The following HTR4 variants were observed in gnomAD, a reference collection of about 807,000 sequenced individuals.
HTR4 encodes the protein 5-hydroxytryptamine receptor 4, also known as 5-hydroxytryptamine (serotonin) receptor 4, G protein-coupled.
A neutral mutation model predicts 36.8 loss-of-function variants in HTR4; 16 were observed. The observed-to-expected ratio is 0.43, with a 90% CI of 0.29 to 0.66. The LOEUF is 0.66. HTR4 is among the 30% of genes least tolerant of loss of function. The pLI is 0.13. For missense variants in HTR4, 438 were observed against 490.9 expected (o/e 0.89, Z 1.02); for synonymous variants, 189 against 185.1 (o/e 1.02, Z -0.17).
intron 5 of HTR4, among the ~76,000 whole-genome samples, chr5:148,521,238 G>A (rs1757999520): frequency 6.6e-6 from 1 of 152,202 alleles, no homozygotes; most frequent in African/African-American, 2.4e-5. Flanking sequence ...TATCTAGACA[G>A]AATGAGATGG....
chr5:148,636,054 G>A (rs931876538), intron 2 of HTR4, among the ~76,000 whole-genome samples: 7 of 151,998 alleles, frequency 4.6e-5, no homozygotes, highest in African/African-American at 1.5e-4. Context: ...CATGTACCAG[G>A]GATTTTGCCA....
At chr5:148,635,160 G>A (rs1012250715) in intron 2 of HTR4, among the ~76,000 whole-genome samples, 12 of 152,024 alleles carry the variant, frequency 7.9e-5, no homozygotes, top group Non-Finnish European at 1.6e-4. Context: ...TCCTAAGGAG[G>A]TAACCTCAAA....
chr5:148,511,297 C>G (rs1017069998), intron 5 of HTR4, among the ~76,000 whole-genome samples: 1 of 152,128 alleles, frequency 6.6e-6, no homozygotes, highest in African/African-American at 2.4e-5. Context: ...ATATTATCAA[C>G]AACCCAGCAG....
At chr5:148,523,074 T>A (rs935427756) in intron 5 of HTR4, 119 bp downstream of exon 5, 26 of 965,496 alleles carry the variant, frequency 2.7e-5, no homozygotes, top group Non-Finnish European at 3.8e-5. Flanking sequence ...AAAAAAAAAA[T>A]TATCACCCAG....
intron 5 of HTR4, among the ~76,000 whole-genome samples, chr5:148,469,957 G>T (rs996351719): frequency 2.6e-5 from 4 of 152,166 alleles, no homozygotes; most frequent in Admixed American, 6.6e-5. Flanking sequence ...TCATGTATCA[G>T]AGGGAGATCA....
intron 5 of HTR4, among the ~76,000 whole-genome samples, chr5:148,451,907 C>A (rs1030810232): frequency 6.6e-6 from 1 of 152,118 alleles, no homozygotes; most frequent in African/African-American, 2.4e-5. Flanking sequence ...CAATTGCAGG[C>A]GAGTCTCATC....
chr5:148,586,125 G>C (rs1761338641), intron 2 of HTR4, among the ~76,000 whole-genome samples: 2 of 151,946 alleles, frequency 1.3e-5, no homozygotes, highest in Non-Finnish European at 2.9e-5. Flanking sequence ...CCACATGTTT[G>C]TTGTTGGGCT....
In HTR4 at chr5:148,550,123, C is replaced by T. The variant is rs1759608875; in HGVS notation, c.152+14G>A. The T allele has an allele frequency of 3.7e-6, 6 of 1,613,774 alleles. No homozygotes were observed. The highest frequency in any genetic ancestry group is 1.3e-5 in the African/African-American group (1 of 74,912). On this transcript the variant is annotated intron_variant, in intron 3 of 6. Transcript: ENST00000377888. ...CTCCCATGTTTCCTCAAAAGGTTCC[C>T]TCCTGCTGCTCACCTGAGCTGCCTG...
chr5:148,580,984 G>A (rs1160756914), intron 2 of HTR4, among the ~76,000 whole-genome samples: 1 of 150,650 alleles, frequency 6.6e-6, no homozygotes, highest in Non-Finnish European at 1.5e-5. Context: ...CATTTTAAAG[G>A]GTTCCTGTTT....
At chr5:148,644,031 T>A (rs927759556) in intron 1 of HTR4, among the ~76,000 whole-genome samples, 1 of 152,204 alleles carries the variant, frequency 6.6e-6, no homozygotes, top group Non-Finnish European at 1.5e-5. Context: ...ACCCGGAGGC[T>A]TGTAAAAATG....
intron 2 of HTR4, among the ~76,000 whole-genome samples, chr5:148,624,974 A>C (rs572398145): frequency 1.3e-5 from 2 of 152,348 alleles, no homozygotes; most frequent in South Asian, 4.1e-4. Flanking sequence ...CAACAATGAC[A>C]ATTATAAATA....
chr5:148,609,632 C>A (rs1752326260), intron 2 of HTR4, among the ~76,000 whole-genome samples: 1 of 149,052 alleles, frequency 6.7e-6, no homozygotes, highest in African/African-American at 2.5e-5. Flanking sequence ...GTGGCGCGAT[C>A]TAGGCTCACT....
rs1487822734 is a variant in HTR4 at position 148,509,669 on chromosome 5, G to A, written c.863C>T (p.Thr288Ile). ...TNIVDPFIDY[T>I]VPGQVWTAFL... The stretch of plus-strand genomic sequence containing the variant: ...AGCAGTCCACACCTGCCCAGGGACA[G>A]TGTAGTCTATGAAAGGATCCACAAT... The change falls in exon 6 of 7, where the codon ACT becomes ATT. Residue 288 changes from threonine (T) to isoleucine (I), a missense_variant. Thr to Ile is a moderately conservative substitution (Grantham distance 89, BLOSUM62 -1). Coordinates refer to ENST00000377888, the MANE Select transcript of HTR4 (RefSeq NM_000870.7). The A allele has an allele frequency of 1.9e-6, 3 of 1,614,126 alleles. No homozygotes were observed. The highest frequency in any genetic ancestry group is 1.7e-5 in the Admixed American group (1 of 60,008).
At chr5:148,451,314 G>A (rs760817429) in intron 5 of HTR4, 7 of 1,612,574 alleles carry the variant, frequency 4.3e-6, no homozygotes, top group Non-Finnish European at 5.9e-6. Context: ...CAACAGGCAT[G>A]CTCCAACTGC....
At chr5:148,524,753 C>T (rs1417326821) in intron 4 of HTR4, among the ~76,000 whole-genome samples, 1 of 152,194 alleles carries the variant, frequency 6.6e-6, no homozygotes, top group Admixed American at 6.5e-5. Flanking sequence ...CACCCTCATA[C>T]ACCCCTCATT....
At chr5:148,475,332 G>T (rs767966834), downstream of HTR4, among the ~76,000 whole-genome samples, 1 of 152,072 alleles carries the variant, frequency 6.6e-6, no homozygotes, top group Admixed American at 6.6e-5. Context: ...ATTTTTTTAC[G>T]AGAATTAAAT....
At chr5:148,472,327 A>G (rs1222297440), downstream of HTR4, among the ~76,000 whole-genome samples, 2 of 152,218 alleles carry the variant, frequency 1.3e-5, no homozygotes, top group Non-Finnish European at 2.9e-5. Flanking sequence ...AAACAAGCAA[A>G]ATGGTGAAAT....
intron 4 of HTR4, among the ~76,000 whole-genome samples, chr5:148,543,201 G>A (rs557202003): frequency 6.6e-6 from 1 of 152,274 alleles, no homozygotes; most frequent in South Asian, 2.1e-4. Flanking sequence ...CAAGAAACCA[G>A]AGCTGATGGA....
chr5:148,608,022 C>T (rs916445010), intron 2 of HTR4, among the ~76,000 whole-genome samples: 1 of 152,098 alleles, frequency 6.6e-6, no homozygotes, highest in Non-Finnish European at 1.5e-5. Flanking sequence ...GAGCTTAGAA[C>T]CTTGCTCTGG....
Sources: gnomAD v4.1 joint callset for allele counts (sites outside exome capture counted in the v4.1 genomes callset) on GRCh38, gnomAD v4.1.1 for gene constraint, MANE v1.5 for transcripts, NCBI Gene and HGNC (gene_info 2026-07-23, HGNC 2026-07-21) for gene names.